The following JARID2 variants were observed in gnomAD, a reference collection of about 807,000 sequenced individuals.
JARID2 encodes jumonji and AT-rich interaction domain containing 2, also known as protein Jumonji.
A neutral mutation model predicts 125.6 loss-of-function variants in JARID2; 21 were observed. That is an observed-to-expected ratio of 0.17 (90% CI 0.12 to 0.24). The LOEUF is 0.24. Ranked by LOEUF, JARID2 falls within the 10% of genes least tolerant of loss-of-function variation. The pLI, the probability that JARID2 is intolerant of heterozygous loss-of-function variation, is 1.00. For missense variants in JARID2, 1,303 were observed against 1,639.6 expected (o/e 0.79, Z 3.55); for synonymous variants, 736 against 661.6 (o/e 1.11, Z -1.73).
intron 5 of JARID2, among the ~76,000 whole-genome samples, chr6:15,481,033 C>T (rs1769589241): frequency 6.6e-6 from 1 of 152,228 alleles, no homozygotes; most frequent in Admixed American, 6.5e-5. Context: ...CAAATTGTTA[C>T]AGGATTGCTA....
intron 1 of JARID2, among the ~76,000 whole-genome samples, chr6:15,297,216 T>A (rs1451427836): frequency 6.6e-6 from 1 of 152,202 alleles, no homozygotes; most frequent in African/African-American, 2.4e-5. Flanking sequence ...AGTGGTGTGA[T>A]CTTGGCTCAC....
intron 1 of JARID2, among the ~76,000 whole-genome samples, chr6:15,330,416 A>G (rs1375229112): frequency 6.6e-6 from 1 of 152,232 alleles, no homozygotes; most frequent in African/African-American, 2.4e-5. Context: ...TTGATACAAC[A>G]CAGTGGTCAC....
At chr6:15,291,148 T>C (rs1761197406) in intron 1 of JARID2, among the ~76,000 whole-genome samples, 1 of 152,074 alleles carries the variant, frequency 6.6e-6, no homozygotes, top group Admixed American at 6.5e-5. Context: ...CGGTGGGAGA[T>C]TGCTTGAGCC....
chr6:15,293,861 G>T (rs1761314171), intron 1 of JARID2, among the ~76,000 whole-genome samples: 3 of 152,252 alleles, frequency 2.0e-5, no homozygotes, highest in Non-Finnish European at 4.4e-5. Context: ...ACACAAAAGG[G>T]TTGCATGCAG....
chr6:15,433,758 T>G (rs1004525810), intron 3 of JARID2, among the ~76,000 whole-genome samples: 1 of 152,266 alleles, frequency 6.6e-6, no homozygotes, highest in African/African-American at 2.4e-5. Flanking sequence ...TTTGGGGATA[T>G]GGGGGGAAAA....
chr6:15,363,888 G>A (rs1361620333), intron 1 of JARID2, among the ~76,000 whole-genome samples: 1 of 152,138 alleles, frequency 6.6e-6, no homozygotes, highest in African/African-American at 2.4e-5. Flanking sequence ...GACACAGGAA[G>A]GGGTTAAGGC....
At chr6:15,275,284 T>TA (rs1201929950) in intron 1 of JARID2, among the ~76,000 whole-genome samples, 2 of 152,158 alleles carry the variant, frequency 1.3e-5, no homozygotes, top group African/African-American at 4.8e-5. Flanking sequence ...GGAGGTTACA[T>TA]AGACAGGGTT....
intron 3 of JARID2, among the ~76,000 whole-genome samples, chr6:15,421,850 A>G (rs1346871555): frequency 6.6e-6 from 1 of 152,108 alleles, no homozygotes; most frequent in Non-Finnish European, 1.5e-5. Flanking sequence ...GTGGGGGTGC[A>G]GTTTGAACTG....
At chr6:15,348,968 C>T (rs1250398308) in intron 1 of JARID2, among the ~76,000 whole-genome samples, 1 of 152,158 alleles carries the variant, frequency 6.6e-6, no homozygotes, top group African/African-American at 2.4e-5. Context: ...TAATTAAGAC[C>T]ATGAAAGAAC....
chr6:15,486,806 C>CTTTTTTTT (rs56268949), intron 5 of JARID2, among the ~76,000 whole-genome samples: 1,130 of 100,460 alleles, frequency 0.011, 152 homozygotes, highest in African/African-American at 0.038. Context: ...TGAGAATAGA[C>CTTTTTTTT]TTTTTTTTTT....
intron 2 of JARID2, among the ~76,000 whole-genome samples, chr6:15,377,570 A>T (rs1399334277): frequency 6.6e-6 from 1 of 152,122 alleles, no homozygotes; most frequent in Non-Finnish European, 1.5e-5. Context: ...GGTTCAAGCG[A>T]TTATCCTGTC....
At chr6:15,432,468 AACAAC>A (rs1561859216) in intron 3 of JARID2, among the ~76,000 whole-genome samples, 27 of 151,782 alleles carry the variant, frequency 1.8e-4, no homozygotes, top group South Asian at 1.7e-3. Flanking sequence ...CAACAACAAC[AACAAC>A]AACAACAAGA....
chr6:15,416,561 G>A (rs576512753), intron 3 of JARID2, among the ~76,000 whole-genome samples: 20 of 152,264 alleles, frequency 1.3e-4, no homozygotes, highest in African/African-American at 4.1e-4. Context: ...GGTGGCGCGC[G>A]CCTGCAATGG....
At chr6:15,281,076 G>A (rs1760731694) in intron 1 of JARID2, among the ~76,000 whole-genome samples, 1 of 152,212 alleles carries the variant, frequency 6.6e-6, no homozygotes, top group Non-Finnish European at 1.5e-5. Context: ...GCATTAGCTG[G>A]TATTTGACAG....
intron 1 of JARID2, among the ~76,000 whole-genome samples, chr6:15,367,741 G>A (rs951768399): frequency 1.7e-4 from 26 of 152,226 alleles, no homozygotes; most frequent in African/African-American, 6.0e-4. Flanking sequence ...AAGGAAGGCT[G>A]AGCAGAGAAA....
At chr6:15,468,188 A>C (rs1202913353) in intron 4 of JARID2, among the ~76,000 whole-genome samples, 2 of 137,820 alleles carry the variant, frequency 1.5e-5, no homozygotes, top group African/African-American at 5.5e-5. Flanking sequence ...TTTTTTTTTA[A>C]GTCTATTAAT....
At chr6:15,499,308 G>A (rs1208593008) in intron 7 of JARID2, among the ~76,000 whole-genome samples, 1 of 152,184 alleles carries the variant, frequency 6.6e-6, no homozygotes, top group Admixed American at 6.5e-5. Context: ...CCAGGGAGCC[G>A]CCGTGCCGCT....
rs191711489 is a variant in JARID2 at position 15,485,967 on chromosome 6, G to A, written c.671-1340G>A. Among the ~76,000 whole-genome samples the A allele has an allele frequency of 3.9e-5, 6 of 152,350 alleles. No individual in the cohort carries two copies. In the East Asian group the frequency reaches 1.2e-3, roughly 29 times the overall value. ...GGAGGAATAATTTTCACTTTCATCTGCTGCTGTGGGGGTGAGGGAATTCTA... is the reference window on the plus strand; with the variant it reads ...GGAGGAATAATTTTCACTTTCATCTACTGCTGTGGGGGTGAGGGAATTCTA... On this transcript the variant is annotated intron_variant, in intron 5 of 17. Coordinates refer to ENST00000341776, the MANE Select transcript of JARID2 (RefSeq NM_004973.4).
chr6:15,463,347 G>A (rs1412489702), intron 4 of JARID2, among the ~76,000 whole-genome samples: 3 of 151,686 alleles, frequency 2.0e-5, no homozygotes, highest in African/African-American at 4.8e-5. Flanking sequence ...GCTAAATAAT[G>A]TGAACAGAGC....
Sources: allele counts gnomAD v4.1 joint callset (sites outside exome capture counted in the v4.1 genomes callset), GRCh38; gene constraint gnomAD v4.1.1; transcripts MANE v1.5; gene names NCBI Gene and HGNC (gene_info 2026-07-23, HGNC 2026-07-21).